Variants in TIAM1 observed in about 807,000 individuals in gnomAD.
The protein encoded by TIAM1 is rho guanine nucleotide exchange factor TIAM1.
A neutral mutation model predicts 163.5 loss-of-function variants in TIAM1; 65 were observed. That is an observed-to-expected ratio of 0.40 (90% confidence interval 0.33 to 0.49). The LOEUF is 0.49. Ranked by LOEUF, TIAM1 falls within the 20% of genes least tolerant of loss-of-function variation. The pLI is 0.77. For synonymous variants in TIAM1, 833 were observed against 810.1 expected, an observed-to-expected ratio of 1.03 and a Z score of -0.48; for missense variants, 1,789 against 2,044.7, an observed-to-expected ratio of 0.87 and a Z score of 2.41.
chr21:31,174,601 T>A (rs2084675012), intron 15 of TIAM1, among the ~76,000 whole-genome samples: 2 of 152,336 alleles, frequency 1.3e-5, no homozygotes, highest in South Asian at 2.1e-4. Flanking sequence ...AAGAAGCAGC[T>A]CTTGGAACGC....
intron 15 of TIAM1, among the ~76,000 whole-genome samples, chr21:31,177,475 C>T (rs1324090649): frequency 1.3e-5 from 2 of 152,162 alleles, no homozygotes; most frequent in African/African-American, 2.4e-5. Context: ...GGCGTGGTGG[C>T]GGATGCCTGT....
chr21:31,407,212 C>T (rs1024974803), intron 2 of TIAM1, among the ~76,000 whole-genome samples: 3 of 152,154 alleles, frequency 2.0e-5, no homozygotes, highest in Non-Finnish European at 2.9e-5. Context: ...CGATTCCAAA[C>T]CTCTAAGTGT....
intron 1 of TIAM1, among the ~76,000 whole-genome samples, chr21:31,506,173 C>G (rs1371330440): frequency 6.6e-6 from 1 of 151,806 alleles, no homozygotes; most frequent in Non-Finnish European, 1.5e-5. Context: ...AGCAGGAAAT[C>G]AGCCACCTAC....
chr21:31,502,732 G>A (rs1342713993), intron 1 of TIAM1, among the ~76,000 whole-genome samples: 2 of 152,164 alleles, frequency 1.3e-5, no homozygotes, highest in African/African-American at 2.4e-5. Context: ...AAAGCATTTC[G>A]TAGTTTCCCT....
chr21:31,214,455 C>T (rs537149365), intron 9 of TIAM1, among the ~76,000 whole-genome samples: 2 of 152,238 alleles, frequency 1.3e-5, no homozygotes, highest in Non-Finnish European at 2.9e-5. Context: ...CCTCATATAC[C>T]TGACCAGATA....
At chr21:31,377,340 G>A (rs554165663) in intron 2 of TIAM1, among the ~76,000 whole-genome samples, 112 of 152,080 alleles carry the variant, frequency 7.4e-4, no homozygotes, top group Non-Finnish European at 1.1e-3. Context: ...TTCTTCCTCC[G>A]GGTAAGCTGC....
chr21:31,355,249 T>C (rs796871272), intron 2 of TIAM1, among the ~76,000 whole-genome samples: 7 of 152,110 alleles, frequency 4.6e-5, no homozygotes, highest in African/African-American at 1.7e-4. Context: ...CAGATACTAC[T>C]GACTCATTCC....
chr21:31,350,452 G>A (rs2076216355), intron 2 of TIAM1, among the ~76,000 whole-genome samples: 1 of 152,168 alleles, frequency 6.6e-6, no homozygotes, highest in African/African-American at 2.4e-5. Context: ...ATGCTGAATT[G>A]TAATTTTTGG....
rs182011047 is a variant in TIAM1 at position 31,411,045 on chromosome 21, T to C, written c.-369+52938A>G. Among the ~76,000 whole-genome samples the C allele has an allele frequency of 1.8e-3, 268 of 152,188 alleles. 3 individuals are homozygous for C. The highest frequency in any genetic ancestry group is 3.7e-3 in the South Asian group (18 of 4,820). ...GCTCCTGACATTGAGGACAGGACTGTCCTGCCCACTGGGGATGATTTAGAA... is the reference window on the plus strand; with the variant it reads ...GCTCCTGACATTGAGGACAGGACTGCCCTGCCCACTGGGGATGATTTAGAA... On this transcript the variant is annotated intron_variant, in intron 2 of 28. Transcript: ENST00000286827.
At chr21:31,181,719 T>G in intron 15 of TIAM1, among the ~76,000 whole-genome samples, 1 of 143,854 alleles carries the variant, frequency 7.0e-6, no homozygotes, top group African/African-American at 2.6e-5. Flanking sequence ...AGTCTCAGCA[T>G]CTTATGTGAT....
intron 15 of TIAM1, among the ~76,000 whole-genome samples, chr21:31,172,154 T>TACG (rs924451949): frequency 6.6e-6 from 1 of 152,132 alleles, no homozygotes; most frequent in African/African-American, 2.4e-5. Context: ...GTGACAGTGG[T>TACG]ACGCTTCAAG....
chr21:31,507,375 T>G (rs1246896589), intron 1 of TIAM1, among the ~76,000 whole-genome samples: 2 of 151,490 alleles, frequency 1.3e-5, no homozygotes, highest in East Asian at 3.9e-4. Flanking sequence ...CCGCTAATTT[T>G]TTTGTATTCT....
At chr21:31,374,452 T>C (rs968679804) in intron 2 of TIAM1, among the ~76,000 whole-genome samples, 12 of 152,186 alleles carry the variant, frequency 7.9e-5, no homozygotes, top group Admixed American at 5.2e-4. Context: ...CAAATGCCCA[T>C]TGGAACTCTC....
chr21:31,507,549 T>G (rs2147463407), intron 1 of TIAM1, among the ~76,000 whole-genome samples: 1 of 152,250 alleles, frequency 6.6e-6, no homozygotes, highest in Non-Finnish European at 1.5e-5. Flanking sequence ...TCTCCATAAC[T>G]ACAACTAATA....
At chr21:31,182,395 G>T (rs190941369) in intron 15 of TIAM1, 26 bp downstream of exon 15, 1 of 1,487,186 alleles carries the variant, frequency 6.7e-7, no homozygotes, top group Non-Finnish European at 8.9e-7. Context: ...GTTCAGACTC[G>T]CCCCCAGCAC....
chr21:31,470,817 C>A (rs2045712799), intron 1 of TIAM1, among the ~76,000 whole-genome samples: 1 of 152,180 alleles, frequency 6.6e-6, no homozygotes, highest in Non-Finnish European at 1.5e-5. Flanking sequence ...GAGAGAGGAA[C>A]CGGCAGGTGG....
At position 31,307,183 on chromosome 21, in the gene TIAM1, T is replaced by C. The variant is rs561364707; in HGVS notation, c.-188-30275A>G. Among the ~76,000 whole-genome samples the C allele has an allele frequency of 1.7e-3, 254 of 152,358 alleles. No individual in the cohort carries two copies. The Middle Eastern group carries it at 0.02, about 12-fold the overall frequency. ...ATCACTTATTCTACTAATGTGAGAA[T>C]TAATGACAATGTATAAAATTTGCTA... is the stretch of plus-strand genomic sequence containing the variant. On this transcript the variant is annotated intron_variant, in intron 2 of 27. Transcript: ENST00000541036.
intron 5 of TIAM1, among the ~76,000 whole-genome samples, chr21:31,250,167 A>AG (rs1277360566): frequency 2.0e-5 from 3 of 147,586 alleles, no homozygotes; most frequent in Non-Finnish European, 2.9e-5. Context: ...AAAAAAAAAA[A>AG]AAAAGAAAAA....
At chr21:31,538,241 T>C (rs1159184876) in intron 1 of TIAM1, among the ~76,000 whole-genome samples, 1 of 152,200 alleles carries the variant, frequency 6.6e-6, no homozygotes. Flanking sequence ...TTCAATAATT[T>C]TTTAATTAAA....
Sources: gnomAD v4.1 joint callset for allele counts (sites outside exome capture counted in the v4.1 genomes callset) on GRCh38, gnomAD v4.1.1 for gene constraint, MANE v1.5 for transcripts, NCBI Gene and HGNC (gene_info 2026-07-23, HGNC 2026-07-21) for gene names.